Variants in CCDC141 observed in about 807,000 individuals in gnomAD.
CCDC141 encodes the protein coiled-coil domain containing 141, also known as coiled-coil domain-containing protein 141.
In CCDC141, 168 loss-of-function variants were observed where a neutral mutation model predicts 181.0. The ratio of observed to expected loss-of-function variants is 0.93; its 90% CI spans 0.82 to 1.05. CCDC141 has a LOEUF of 1.05. Among genes scored for constraint, CCDC141 ranks in the 50% least tolerant of loss-of-function variants. The pLI is 0.00. For synonymous variants in CCDC141, 666 were observed against 642.3 expected (o/e 1.04, Z -0.56); for missense variants, 1,902 against 1,788.5 (o/e 1.06, Z -1.14).
At chr2:178,841,415 T>A (rs6732126) in intron 22 of CCDC141, among the ~76,000 whole-genome samples, 27,288 of 152,180 alleles carry the variant, frequency 0.18, 2,730 homozygotes, top group Middle Eastern at 0.23. Context: ...GGAAGCAAGA[T>A]AAGGTGAGTT....
chr2:178,885,278 T>C (rs560748558), intron 10 of CCDC141, among the ~76,000 whole-genome samples, 186 bp from the exon 11 acceptor site: 1 of 150,186 alleles, frequency 6.7e-6, no homozygotes. Context: ...AGAATGAAAA[T>C]CATTTCAAAT....
At chr2:179,008,185 G>C (rs928321315) in intron 2 of CCDC141, among the ~76,000 whole-genome samples, 11 of 152,164 alleles carry the variant, frequency 7.2e-5, no homozygotes, top group African/African-American at 2.7e-4. Context: ...GTATTTTAGA[G>C]TATTTTGGTC....
intron 2 of CCDC141, among the ~76,000 whole-genome samples, chr2:179,038,907 T>C (rs1478022003): frequency 6.6e-6 from 1 of 152,210 alleles, no homozygotes; most frequent in Non-Finnish European, 1.5e-5. Flanking sequence ...AGCAATGTAA[T>C]GGAAAGTCAG....
At chr2:179,042,092 C>T (rs2043325077) in intron 2 of CCDC141, among the ~76,000 whole-genome samples, 1 of 152,158 alleles carries the variant, frequency 6.6e-6, no homozygotes, top group Non-Finnish European at 1.5e-5. Context: ...CAGAACTGTC[C>T]ACCCCAAAAC....
chr2:179,009,254 T>C (rs2042196420), intron 2 of CCDC141, among the ~76,000 whole-genome samples: 1 of 152,198 alleles, frequency 6.6e-6, no homozygotes. Flanking sequence ...TACAACTTTA[T>C]TGGGCTTATT....
chr2:179,015,672 T>C (rs889620649), intron 2 of CCDC141, among the ~76,000 whole-genome samples: 2 of 142,056 alleles, frequency 1.4e-5, no homozygotes. Context: ...CTCATACATA[T>C]CTCATATATA....
intron 6 of CCDC141, among the ~76,000 whole-genome samples, chr2:178,921,571 T>TA (rs1688690423): frequency 1.3e-5 from 2 of 152,214 alleles, no homozygotes; most frequent in African/African-American, 4.8e-5. Flanking sequence ...TGTTTTTTTT[T>TA]ACTGCAGTAC....
At chr2:178,969,646 T>C (rs917024399) in intron 4 of CCDC141, among the ~76,000 whole-genome samples, 3 of 152,200 alleles carry the variant, frequency 2.0e-5, no homozygotes, top group African/African-American at 7.2e-5. Context: ...GAGCTATTTA[T>C]GACAAACCCA....
chr2:179,010,638 C>T (rs182048579), intron 2 of CCDC141, among the ~76,000 whole-genome samples: 1 of 152,222 alleles, frequency 6.6e-6, no homozygotes, highest in Non-Finnish European at 1.5e-5. Flanking sequence ...ACTACAGGAA[C>T]TGCTAAAAGC....
intron 8 of CCDC141, among the ~76,000 whole-genome samples, chr2:178,890,141 G>A (rs188465792): frequency 2.0e-5 from 3 of 152,244 alleles, no homozygotes; most frequent in East Asian, 3.9e-4. Flanking sequence ...AGAGAACAAA[G>A]GTTGTGAAAG....
At chr2:178,992,100 A>G (rs1337880005) in intron 2 of CCDC141, among the ~76,000 whole-genome samples, 4 of 151,904 alleles carry the variant, frequency 2.6e-5, no homozygotes, top group African/African-American at 7.2e-5. Flanking sequence ...TTGCCTGTAG[A>G]AATTTGGATG....
intron 2 of CCDC141, among the ~76,000 whole-genome samples, chr2:178,982,511 C>G (rs1049200865): frequency 1.3e-5 from 2 of 152,186 alleles, no homozygotes; most frequent in Admixed American, 6.5e-5. Context: ...CCAGCCTGAG[C>G]GACGCAGAAG....
At chr2:179,010,203 T>A (rs889684324) in intron 2 of CCDC141, among the ~76,000 whole-genome samples, 1 of 152,010 alleles carries the variant, frequency 6.6e-6, no homozygotes, top group African/African-American at 2.4e-5. Context: ...AAGAAGAAAA[T>A]TCTAAAACCT....
chr2:178,982,671 G>A lies in CCDC141; in HGVS notation c.226-3996C>T, dbSNP rs368044735. Among the ~76,000 whole-genome samples, 27 of 152,250 alleles carry A rather than the reference G, an allele frequency of 1.8e-4. No individual in the cohort carries two copies. The East Asian group carries it at 3.3e-3, about 19-fold the overall frequency. On this transcript the variant is annotated intron_variant, in intron 2 of 23. Coordinates refer to ENST00000443758, the MANE Select transcript of CCDC141 (RefSeq NM_173648.4). ...CCCTCGGGAAGCACAAGGGGTCAGG[G>A]AGTTCCCTTTCCTAATCAAAGAAAG... is the stretch of plus-strand genomic sequence containing the variant.
the CCDC141 span, among the ~76,000 whole-genome samples, chr2:178,816,929 A>G: frequency 6.6e-6 from 1 of 152,194 alleles, no homozygotes; most frequent in East Asian, 1.9e-4. Flanking sequence ...GGATGAGATT[A>G]AAATCTGCAC....
chr2:178,930,787 C>G (rs913682225), intron 6 of CCDC141, among the ~76,000 whole-genome samples: 2 of 151,966 alleles, frequency 1.3e-5, no homozygotes, highest in South Asian at 2.1e-4. Context: ...TTACCTCACA[C>G]CATACACAAA....
At chr2:178,963,370 T>C (rs1012147509) in intron 4 of CCDC141, among the ~76,000 whole-genome samples, 6 of 151,980 alleles carry the variant, frequency 3.9e-5, no homozygotes, top group Non-Finnish European at 8.8e-5. Context: ...GAAAAGAAAA[T>C]GCTAGGACAG....
chr2:178,837,845 C>G, intron 22 of CCDC141, 101 bp from the exon 23 acceptor site: 3 of 1,286,286 alleles, frequency 2.3e-6, no homozygotes, highest in Non-Finnish European at 3.0e-6. Context: ...TCGAGACAAC[C>G]TACAAGGTTA....
chr2:178,857,167 C>G (rs1023427893), intron 17 of CCDC141, among the ~76,000 whole-genome samples: 3 of 152,090 alleles, frequency 2.0e-5, no homozygotes, highest in South Asian at 2.1e-4. Flanking sequence ...CCAGATCTCT[C>G]TATCTTTTAA....
Sources: gnomAD v4.1 joint callset for allele counts (sites outside exome capture counted in the v4.1 genomes callset) on GRCh38, gnomAD v4.1.1 for gene constraint, MANE v1.5 for transcripts, NCBI Gene and HGNC (gene_info 2026-07-23, HGNC 2026-07-21) for gene names.